Variants in NOTCH2 observed in about 807,000 individuals in gnomAD.
The protein encoded by NOTCH2 is notch receptor 2.
A neutral mutation model predicts 235.8 loss-of-function variants in NOTCH2; 29 were observed. That is an observed-to-expected ratio of 0.12 (90% CI 0.09 to 0.17). The LOEUF (loss-of-function observed/expected upper bound fraction) is 0.17. Ranked by LOEUF, NOTCH2 falls within the 10% of genes least tolerant of loss-of-function variation. The pLI, the probability that NOTCH2 is intolerant of heterozygous loss-of-function variation, is 1.00. For missense variants in NOTCH2, 2,285 were observed against 3,150.2 expected (o/e 0.73, Z 6.57); for synonymous variants, 1,086 against 1,141.5 (o/e 0.95, Z 0.98).
chr1:120,010,874 T>C (rs1653162620), intron 2 of NOTCH2, among the ~76,000 whole-genome samples: 1 of 152,026 alleles, frequency 6.6e-6, no homozygotes, highest in Admixed American at 6.6e-5. Flanking sequence ...ACAACCCAAA[T>C]GCCTATAAGC....
At chr1:119,964,376 T>C (rs974792813) in intron 10 of NOTCH2, among the ~76,000 whole-genome samples, 4 of 152,170 alleles carry the variant, frequency 2.6e-5, no homozygotes, top group African/African-American at 7.2e-5. Flanking sequence ...GAGGTGTAAA[T>C]AGACAAACAT....
At chr1:120,060,279 CTGA>C (rs1217337103) in intron 1 of NOTCH2, among the ~76,000 whole-genome samples, 1 of 142,108 alleles carries the variant, frequency 7.0e-6, no homozygotes, top group Non-Finnish European at 1.5e-5. Context: ...ACAAACGCCA[CTGA>C]TGATATGAAA....
intron 4 of NOTCH2, chr1:119,996,757 G>C (rs781981179): frequency 5.1e-6 from 5 of 977,344 alleles, no homozygotes; most frequent in Non-Finnish European, 8.4e-6. Flanking sequence ...CTACAAAAGG[G>C]ACAATAAACA....
chr1:119,927,566 A>C (rs1423100069), intron 23 of NOTCH2, among the ~76,000 whole-genome samples: 1 of 151,874 alleles, frequency 6.6e-6, no homozygotes, highest in Non-Finnish European at 1.5e-5. Context: ...ATGCACAAAC[A>C]CTACTTCCTG....
At position 119,949,018 on chromosome 1, in the gene NOTCH2, G is replaced by A. The variant is rs2101115530; in HGVS notation, c.2588C>T (p.Pro863Leu). 2 of 1,614,178 alleles carry A rather than the reference G, an allele frequency of 1.2e-6. No homozygotes were observed. Among genetic ancestry groups the A allele is most frequent in the Admixed American group, 1.7e-5 (1 of 60,026 alleles). ...NFESYTCLCA[P>L]GWQGQRCTID... is the part of the protein sequence containing the mutation. ...ACCCATGTTCTTACCTTGCCAGCCA[G>A]GAGCACACAAGCAAGTATAACTCTC... Residue 863 changes from proline (P) to leucine (L), a missense_variant, in exon 16 of 34, where the codon CCT (proline) becomes CTT (leucine). Physicochemically the swap from Pro to Leu is moderately conservative, Grantham distance 98 (BLOSUM62 -3). Coordinates refer to ENST00000256646, the MANE Select transcript of NOTCH2 (RefSeq NM_024408.4).
intron 5 of NOTCH2, among the ~76,000 whole-genome samples, chr1:119,982,263 C>T (rs1553201742): frequency 6.6e-6 from 1 of 152,270 alleles, no homozygotes; most frequent in Non-Finnish European, 1.5e-5. Context: ...ACCTAACTTC[C>T]ATTGTTCACT....
intron 22 of NOTCH2, 158 bp downstream of exon 22, chr1:119,935,314 A>G: frequency 1.3e-6 from 2 of 1,577,386 alleles, no homozygotes; most frequent in Non-Finnish European, 1.7e-6. Flanking sequence ...AAGAGATGGG[A>G]GAATAAAATG....
chr1:119,999,980 G>GAAAGAAAGA (rs1652677026), intron 3 of NOTCH2, among the ~76,000 whole-genome samples: 3 of 73,330 alleles, frequency 4.1e-5, no homozygotes, highest in African/African-American at 2.2e-4. Context: ...AGAAAGAAAG[G>GAAAGAAAGA]AAGGAAGGAA....
intron 8 of NOTCH2, 35 bp downstream of exon 8, chr1:119,967,398 C>A (rs1651184294): frequency 6.3e-7 from 1 of 1,592,462 alleles, no homozygotes; most frequent in African/African-American, 1.3e-5. Context: ...ACAGTCCCTC[C>A]TCTCTAGACC....
At chr1:120,010,439 G>A (rs1238689132) in intron 2 of NOTCH2, among the ~76,000 whole-genome samples, 1 of 152,030 alleles carries the variant, frequency 6.6e-6, no homozygotes, top group Admixed American at 6.6e-5. Context: ...TTTAATAAAT[G>A]CTTGGAGTTA....
chr1:120,005,304 C>T (rs1553206107), intron 3 of NOTCH2, 25 bp downstream of exon 3: 4 of 1,613,990 alleles, frequency 2.5e-6, no homozygotes, highest in Non-Finnish European at 3.4e-6. Flanking sequence ...GGTAGGAAAC[C>T]ACTGGCTTTG....
At chr1:119,969,454 A>G in intron 6 of NOTCH2, 57 bp downstream of exon 6, 1 of 1,365,192 alleles carries the variant, frequency 7.3e-7, no homozygotes, top group Non-Finnish European at 1.0e-6. Context: ...GAGAAGGCAG[A>G]GTCCTGAATG....
At chr1:119,926,406 G>A (rs945025315) in intron 24 of NOTCH2, 93 bp downstream of exon 24, 20 of 1,002,992 alleles carry the variant, frequency 2.0e-5, no homozygotes, top group Non-Finnish European at 2.6e-5. Flanking sequence ...TTCCCATTTC[G>A]AAGATTGGTA....
At chr1:119,938,829 C>T (rs918306128) in intron 19 of NOTCH2, among the ~76,000 whole-genome samples, 9 of 152,026 alleles carry the variant, frequency 5.9e-5, no homozygotes, top group Non-Finnish European at 8.8e-5. Context: ...TACAGGCACC[C>T]GCTACCACAC....
At chr1:119,957,774 A>T (rs1650759735) in intron 12 of NOTCH2, among the ~76,000 whole-genome samples, 1 of 151,690 alleles carries the variant, frequency 6.6e-6, no homozygotes, top group African/African-American at 2.4e-5. Context: ...AAAAAGAGAA[A>T]GAATATGATT....
intron 5 of NOTCH2, among the ~76,000 whole-genome samples, chr1:119,984,042 T>C (rs1433143466): frequency 3.3e-5 from 5 of 152,152 alleles, no homozygotes; most frequent in Non-Finnish European, 5.9e-5. Flanking sequence ...CAGGTGGAAA[T>C]TGTAAAAGGA....
chr1:119,995,560 T>C (rs1243807283), intron 4 of NOTCH2: 3 of 152,210 alleles, frequency 2.0e-5, no homozygotes, highest in East Asian at 3.8e-4. Flanking sequence ...TGCAAACAAA[T>C]GCAGGAGTGA....
chr1:119,943,500 T>A (rs1164654608), intron 17 of NOTCH2, among the ~76,000 whole-genome samples: 1 of 152,150 alleles, frequency 6.6e-6, no homozygotes, highest in Non-Finnish European at 1.5e-5. Flanking sequence ...AGCCCTCAAC[T>A]AAAGACTATT....
rs151148296 is a variant in NOTCH2, at chr1:119,947,949, T to A, written c.2752+465A>T. Among the ~76,000 whole-genome samples the A allele has an allele frequency of 2.8e-3, 424 of 152,290 alleles. 7 individuals carry two copies. The highest frequency in any genetic ancestry group is 9.8e-3 in the African/African-American group (408 of 41,560). On this transcript the variant is annotated intron_variant, in intron 17 of 33. Transcript: ENST00000256646. ...AAATCTGCCAACTAATAATCTATAG[T>A]GACAGAAGGTAAAACTGTGACTCCA... is the stretch of plus-strand genomic sequence containing the variant.
Sources: gnomAD v4.1 joint callset for allele counts (sites outside exome capture counted in the v4.1 genomes callset) on GRCh38, gnomAD v4.1.1 for gene constraint, MANE v1.5 for transcripts, NCBI Gene and HGNC (gene_info 2026-07-23, HGNC 2026-07-21) for gene names.